Variants in CLASRP observed in about 807,000 individuals in gnomAD.
CLASRP encodes CLK4 associating serine/arginine rich protein.
A neutral mutation model predicts 99.9 loss-of-function variants in CLASRP; 52 were observed. The observed-to-expected ratio is 0.52, with a 90% CI of 0.42 to 0.66. CLASRP has a LOEUF of 0.66. Among genes scored for constraint, CLASRP ranks in the 30% least tolerant of loss-of-function variants. The pLI, the probability that CLASRP is intolerant of heterozygous loss-of-function variation, is 0.00. For missense variants in CLASRP, 848 were observed against 999.2 expected (o/e 0.85, Z 2.04); for synonymous variants, 379 against 373.0 (o/e 1.02, Z -0.18).
chr19:45,055,556 C>T (rs990427149), intron 5 of CLASRP, among the ~76,000 whole-genome samples: 2 of 152,198 alleles, frequency 1.3e-5, no homozygotes, highest in South Asian at 4.1e-4. Flanking sequence ...TGAGGCCAGC[C>T]GGGCACGGTG....
chr19:45,061,627 C>T (rs891610536), intron 10 of CLASRP, among the ~76,000 whole-genome samples: 4 of 152,096 alleles, frequency 2.6e-5, no homozygotes, highest in Non-Finnish European at 5.9e-5. Flanking sequence ...CGTCACCACG[C>T]CCAGCTAATT....
chr19:45,060,379 A>T lies in CLASRP; in HGVS notation c.711-10A>T. 1 of 1,613,350 alleles carries T rather than the reference A, an allele frequency of 6.2e-7. No individual in the cohort carries two copies. Among genetic ancestry groups the T allele is most frequent in the Non-Finnish European group, 8.5e-7 (1 of 1,179,644 alleles). Reference sequence around the variant, plus strand: ...CCATCCTCCACCCTAATTCTCACCCACCTCTATAGGATGCTCCGGAAAGAC... The same window carrying T: ...CCATCCTCCACCCTAATTCTCACCCTCCTCTATAGGATGCTCCGGAAAGAC... On this transcript the variant is annotated splice_polypyrimidine_tract_variant and intron_variant, in intron 8 of 20. Coordinates refer to ENST00000221455, the MANE Select transcript of CLASRP (RefSeq NM_007056.3). This position sits in a 1 kb window ranked among gnomAD's most constrained non-coding sequence, Gnocchi z 4.6.
intron 7 of CLASRP, 145 bp from the exon 8 acceptor site, chr19:45,059,123 A>G: frequency 1.4e-6 from 1 of 697,176 alleles, no homozygotes. Flanking sequence ...GGGCATGCCA[A>G]GATGAGCCAG....
chr19:45,051,512 G>A (rs1353637607), intron 2 of CLASRP, among the ~76,000 whole-genome samples: 1 of 151,726 alleles, frequency 6.6e-6, no homozygotes, highest in Non-Finnish European at 1.5e-5. Flanking sequence ...CCTGGGTTTC[G>A]CCATGTTGGT....
chr19:45,066,044 G>C (rs939126287), intron 13 of CLASRP, among the ~76,000 whole-genome samples: 1 of 152,188 alleles, frequency 6.6e-6, no homozygotes, highest in African/African-American at 2.4e-5. Flanking sequence ...CCGCTCAGCA[G>C]CAGGTCTAGT....
chr19:45,069,046 C>A lies in CLASRP; in HGVS notation c.1769-20C>A, dbSNP rs1282747550. ...GCTCTTAAGGGAACCCCTCAGCCAC[C>A]CTGTTCTTTCTCTCTACAGTCAAGG... On this transcript the variant is annotated intron_variant, in intron 16 of 20. Transcript: ENST00000221455. The A allele has an allele frequency of 6.2e-7, 1 of 1,613,010 alleles. No homozygotes were observed. The highest frequency in any genetic ancestry group is 1.7e-5 in the Admixed American group (1 of 59,988).
chr19:45,051,898 G>A (rs537010212), intron 2 of CLASRP, among the ~76,000 whole-genome samples, 173 bp from the exon 3 acceptor site: 21 of 152,128 alleles, frequency 1.4e-4, no homozygotes, highest in African/African-American at 4.8e-4. Context: ...AACCTGGGAA[G>A]CAGAGCTTGC....
Position 45,070,723 on chromosome 19 carries a change from G to T in CLASRP, c.1983-80G>T. The T allele has an allele frequency of 2.2e-6, 3 of 1,353,142 alleles. No homozygotes were observed. In the South Asian group the frequency reaches 3.5e-5, roughly 16 times the overall value. 83.8% of individuals were successfully genotyped at this position (1,353,142 alleles called of 1,614,324 possible). A position where few individuals can be genotyped will look rare whatever the true frequency, so the allele number is the denominator to read the frequency against. On this transcript the variant is annotated intron_variant, in intron 20 of 20. Transcript: ENST00000221455. Reference sequence around the variant, plus strand: ...CCTTCCCTCCACAGACAAGTGCCCCGATCACTGAAGCATCCACGGCCCCAG... The same window carrying T: ...CCTTCCCTCCACAGACAAGTGCCCCTATCACTGAAGCATCCACGGCCCCAG...
Position 45,057,845 on chromosome 19 carries a change from C to A in CLASRP, c.560C>A (p.Ser187Ter), listed in dbSNP as rs1371526875. 1 of 1,614,036 alleles carries A rather than the reference C, an allele frequency of 6.2e-7. No individual in the cohort carries two copies. Reference sequence around the variant, plus strand: ...GCAGAAAAGCCAGAGGAGGAGGAGTCAGCGGCCGAGGAGGAGAGCAACTCG... The same window carrying A: ...GCAGAAAAGCCAGAGGAGGAGGAGTAAGCGGCCGAGGAGGAGAGCAACTCG... ...KAAEKPEEEESAAEEESNSDE... is the reference protein window; with the variant it reads ...KAAEKPEEEE The change falls in exon 7 of 21, where the codon TCA becomes TAA. Residue 187 changes from serine (S) to a stop codon, truncating the protein, a stop_gained. Transcript: ENST00000221455. LOFTEE classifies it high-confidence loss of function.
In CLASRP at chr19:45,060,938, T is replaced by G. The variant is rs1239127043; in HGVS notation, c.863+311T>G. On this transcript the variant is annotated intron_variant, in intron 10 of 20. Coordinates refer to ENST00000221455, the MANE Select transcript of CLASRP (RefSeq NM_007056.3). This position sits in a 1 kb window ranked among gnomAD's most constrained non-coding sequence, Gnocchi z 4.6. ...AGAGGGCACAGGCTTTGCCCTGGACTCTCACCCAGTTCTGCTGCTTGGCTT... is the reference window on the plus strand; with the variant it reads ...AGAGGGCACAGGCTTTGCCCTGGACGCTCACCCAGTTCTGCTGCTTGGCTT... Among the ~76,000 whole-genome samples, 2 of 152,228 alleles carry G rather than the reference T, an allele frequency of 1.3e-5. No homozygotes were observed. Among genetic ancestry groups the G allele is most frequent in the Non-Finnish European group, 2.9e-5 (2 of 68,044 alleles).
chr19:45,067,481 C>CAGCCAG lies in CLASRP; in HGVS notation c.1559_1564dup (p.Gln520_Ser521dup), dbSNP rs778930675. 2 of 1,568,186 alleles carry CAGCCAG rather than the reference C, an allele frequency of 1.3e-6. No individual in the cohort carries two copies. The highest frequency in any genetic ancestry group is 8.6e-7 in the Non-Finnish European group (1 of 1,162,292). ...GCAGCCGCAGCCATAGCCCCAGCCCCAGCCAGAGCCGCAGCCGCAGCCGCA... is the reference window on the plus strand; with the variant it reads ...GCAGCCGCAGCCATAGCCCCAGCCCCAGCCAGAGCCAGAGCCGCAGCCGCAGCCGCA... On this transcript the variant is annotated inframe_insertion, in exon 14 of 21. Coordinates refer to ENST00000221455, the MANE Select transcript of CLASRP (RefSeq NM_007056.3). The surrounding 1 kb of genome is among the most constrained non-coding windows in gnomAD (Gnocchi z 4.9).
chr19:45,067,386 A>G lies in CLASRP; in HGVS notation c.1459A>G (p.Arg487Gly). The change falls in exon 14 of 21, where the codon AGG becomes GGG. Residue 487 changes from arginine (R) to glycine (G), a missense_variant. Physicochemically the swap from Arg to Gly is moderately radical, Grantham distance 125. Around this residue, in one of 8 missense-constraint regions of CLASRP, gnomAD observed 489 missense variants for 434.7 expected, o/e 1.12. Coordinates refer to ENST00000221455, the MANE Select transcript of CLASRP (RefSeq NM_007056.3). This position sits in a 1 kb window ranked among gnomAD's most constrained non-coding sequence, Gnocchi z 4.9. Reference sequence around the variant, plus strand: ...CTACAGGCGGGGCGGCCGGGGCCTCAGGCACCACAGCAGTAGCCGCAGCCG... The same window carrying G: ...CTACAGGCGGGGCGGCCGGGGCCTCGGGCACCACAGCAGTAGCCGCAGCCG... ...DRYRRGGRGL[R>G]HHSSSRSRSS... 6.5e-7 allele frequency: 1 copy of G among 1,533,298 alleles called. No homozygotes were observed. The highest frequency in any genetic ancestry group is 2.4e-5 in the East Asian group (1 of 40,832). The allele number at this position is 1,533,298 out of a possible 1,614,324, so 95.0% of individuals were successfully genotyped here. A position where few individuals can be genotyped will look rare whatever the true frequency, so the allele number is the denominator to read the frequency against.
intron 15 of CLASRP, 111 bp from the exon 16 acceptor site, chr19:45,068,309 T>TATACC: frequency 1.5e-6 from 1 of 651,150 alleles, no homozygotes; most frequent in Non-Finnish European, 2.8e-6. Flanking sequence ...CCCACGTCGT[T>TATACC]CTCCCCCCCC....
In CLASRP at chr19:45,067,109, T is replaced by G. The variant is rs1967103479; in HGVS notation, c.1410-228T>G. On this transcript the variant is annotated intron_variant, in intron 13 of 20. Coordinates refer to ENST00000221455, the MANE Select transcript of CLASRP (RefSeq NM_007056.3). The surrounding 1 kb of genome is among the most constrained non-coding windows in gnomAD (Gnocchi z 4.9). ...GACGTGGGCCAGGCAGGGCTCATGA[T>G]GGCAGGACTGCCCTTAGGCTGAGTG... Among the ~76,000 whole-genome samples, 2 of 152,182 alleles carry G rather than the reference T, an allele frequency of 1.3e-5. No individual in the cohort carries two copies. The highest frequency in any genetic ancestry group is 4.1e-4 in the South Asian group (2 of 4,830).
At chr19:45,070,370 G>A (rs1411994183) in intron 19 of CLASRP, among the ~76,000 whole-genome samples, 167 bp from the exon 20 acceptor site, 1 of 152,110 alleles carries the variant, frequency 6.6e-6, no homozygotes, top group East Asian at 1.9e-4. Context: ...TGCTCATTCC[G>A]GCATGGGCTG....
Position 45,062,009 on chromosome 19 carries a change from AAGGGG to A in CLASRP, c.864-141_864-137del, listed in dbSNP as rs138187879. On this transcript the variant is annotated intron_variant, in intron 10 of 20. Transcript: ENST00000221455. Reference sequence around the variant, plus strand: ...TGAGGTGGGGGTGGGTGGAGGAATTAAGGGGAGGCCCCCAACCTGGTCAGCAGCCC... The same window carrying A: ...TGAGGTGGGGGTGGGTGGAGGAATTAAGGCCCCCAACCTGGTCAGCAGCCC... The A allele has an allele frequency of 3.1e-3, 2,066 of 660,840 alleles. 29 individuals carry two copies. The African/African-American group carries it at 0.034, about 11-fold the overall frequency. 40.9% of individuals were successfully genotyped at this position (660,840 alleles called of 1,614,324 possible).
At chr19:45,063,661 G>A (rs979968160) in intron 11 of CLASRP, among the ~76,000 whole-genome samples, 1 of 151,780 alleles carries the variant, frequency 6.6e-6, no homozygotes, top group Non-Finnish European at 1.5e-5. Context: ...TGTTGGCCAG[G>A]CTGGTCTCAA....
At chr19:45,059,053 C>A (rs7257087) in intron 7 of CLASRP, among the ~76,000 whole-genome samples, 1,833 of 152,252 alleles carry the variant, frequency 0.012, 50 homozygotes, top group African/African-American at 0.041. Flanking sequence ...AGCCCTGTCC[C>A]CGAGCTGCCT....
At chr19:45,061,338 A>G (rs1966934287) in intron 10 of CLASRP, among the ~76,000 whole-genome samples, 1 of 152,240 alleles carries the variant, frequency 6.6e-6, no homozygotes, top group South Asian at 2.1e-4. Flanking sequence ...AGGGTAGTGC[A>G]GGAACGCCCA....
Sources: gnomAD v4.1 joint callset for allele counts (sites outside exome capture counted in the v4.1 genomes callset) on GRCh38, gnomAD v4.1.1 for gene constraint, gnomAD v4.1.1 regional missense constraint, Gnocchi (gnomAD v3.1) non-coding constraint, MANE v1.5 for transcripts, NCBI Gene and HGNC (gene_info 2026-07-23, HGNC 2026-07-21) for gene names.